Variants in RAD51B observed in about 807,000 individuals in gnomAD.
RAD51B encodes the protein DNA repair protein RAD51 homolog 2.
In RAD51B, 38 loss-of-function variants were observed where a neutral mutation model predicts 42.2. The observed-to-expected ratio is 0.90, with a 90% CI of 0.70 to 1.18. The LOEUF (loss-of-function observed/expected upper bound fraction) is 1.18. Ranked by LOEUF, RAD51B falls within the 50% of genes most tolerant of loss-of-function variation. The pLI is 0.00. For missense variants in RAD51B, 373 were observed against 400.7 expected (o/e 0.93, Z 0.59); for synonymous variants, 154 against 145.2 (o/e 1.06, Z -0.43).
At chr14:68,196,855 T>C (rs1485864110) in intron 7 of RAD51B, among the ~76,000 whole-genome samples, 1 of 152,224 alleles carries the variant, frequency 6.6e-6, no homozygotes, top group African/African-American at 2.4e-5. Context: ...GAATAAAACA[T>C]AGACTTTATT....
chr14:68,180,100 T>G (rs1309997392), intron 7 of RAD51B, among the ~76,000 whole-genome samples: 1 of 152,164 alleles, frequency 6.6e-6, no homozygotes, highest in African/African-American at 2.4e-5. Context: ...ATAACATGTA[T>G]AGGCTACAGC....
At chr14:68,214,438 A>G (rs1212161756) in intron 7 of RAD51B, among the ~76,000 whole-genome samples, 1 of 152,186 alleles carries the variant, frequency 6.6e-6, no homozygotes, top group East Asian at 1.9e-4. Context: ...GAATGATGTG[A>G]AAAAGAATCT....
chr14:68,115,382 C>T (rs12878355), intron 7 of RAD51B, among the ~76,000 whole-genome samples: 1 of 110,296 alleles, frequency 9.1e-6, no homozygotes, highest in Non-Finnish European at 1.7e-5. Flanking sequence ...ACATCACACT[C>T]TGGGGACTGT....
At chr14:68,563,585 C>A (rs1364974480) in intron 10 of RAD51B, 1 of 985,306 alleles carries the variant, frequency 1.0e-6, no homozygotes, top group African/African-American at 1.7e-5. Flanking sequence ...CCTTCAAGCA[C>A]CTTCTGTGGT....
chr14:67,909,114 C>A (rs1053102476), intron 7 of RAD51B, among the ~76,000 whole-genome samples: 1 of 151,914 alleles, frequency 6.6e-6, no homozygotes, highest in South Asian at 2.1e-4. Context: ...TAGACATAAC[C>A]CCCTAAACAA....
intron 7 of RAD51B, among the ~76,000 whole-genome samples, chr14:67,943,360 G>A (rs1036790331): frequency 6.6e-6 from 1 of 152,082 alleles, no homozygotes; most frequent in Non-Finnish European, 1.5e-5. Context: ...TATACACTTA[G>A]GGAGGAAGAA....
intron 7 of RAD51B, among the ~76,000 whole-genome samples, chr14:67,978,411 G>T (rs1176632974): frequency 6.8e-6 from 1 of 146,206 alleles, no homozygotes; most frequent in East Asian, 1.9e-4. Context: ...CAGCCTCTGC[G>T]TTTTTTCCTC....
intron 10 of RAD51B, among the ~76,000 whole-genome samples, chr14:68,524,370 G>T (rs1886788974): frequency 1.3e-5 from 2 of 152,216 alleles, no homozygotes; most frequent in African/African-American, 4.8e-5. Context: ...GAGTATGAAA[G>T]ATAAATCTAT....
intron 11 of RAD51B, among the ~76,000 whole-genome samples, chr14:68,682,702 C>G (rs1188110321): frequency 6.6e-6 from 1 of 152,056 alleles, no homozygotes; most frequent in Non-Finnish European, 1.5e-5. Flanking sequence ...CTCCCCGCCC[C>G]CCACGATCAG....
intron 8 of RAD51B, among the ~76,000 whole-genome samples, chr14:68,362,058 A>G (rs1164147541): frequency 6.6e-6 from 1 of 152,212 alleles, no homozygotes; most frequent in East Asian, 1.9e-4. Flanking sequence ...GTGGCTGAAT[A>G]TCGGCCACAG....
At chr14:68,667,018 G>T (rs1893045188) in intron 11 of RAD51B, among the ~76,000 whole-genome samples, 1 of 152,216 alleles carries the variant, frequency 6.6e-6, no homozygotes, top group Non-Finnish European at 1.5e-5. Context: ...CGTGTTTCAG[G>T]TGACATAACC....
chr14:68,075,198 G>A (rs773280957), intron 7 of RAD51B, among the ~76,000 whole-genome samples: 2 of 152,144 alleles, frequency 1.3e-5, no homozygotes, highest in African/African-American at 2.4e-5. Context: ...AGGCTTGCCT[G>A]GTGACAAACA....
chr14:68,250,641 G>T (rs545886030), intron 7 of RAD51B, among the ~76,000 whole-genome samples: 2 of 152,268 alleles, frequency 1.3e-5, no homozygotes, highest in South Asian at 4.2e-4. Flanking sequence ...AATCCCCTGG[G>T]AACAGGCCTA....
chr14:67,902,916 C>T (rs905768045), intron 7 of RAD51B, among the ~76,000 whole-genome samples: 1 of 150,920 alleles, frequency 6.6e-6, no homozygotes, highest in African/African-American at 2.4e-5. Flanking sequence ...GTGGTGTGAT[C>T]TCGGCTCACT....
In RAD51B at chr14:68,648,023, G is replaced by GTATATATATATATA. The variant is rs1398832977; in HGVS notation, c.1037-2757_1037-2744dup. 2.4e-4 allele frequency among the ~76,000 whole-genome samples: 7 copies of GTATATATATATATA among 28,630 alleles called. No individual in the cohort carries two copies. In the South Asian group the frequency reaches 3.8e-3, roughly 16 times the overall value. The allele number at this position is 28,630 out of a possible 152,430, so 18.8% of individuals were successfully genotyped here. ...ATTGAGCATATATATATATATATAC[G>GTATATATATATATA]TATATATATATATACACACGTATAT... On this transcript the variant is annotated intron_variant, in intron 10 of 11. Transcript: ENST00000488612.
intron 7 of RAD51B, among the ~76,000 whole-genome samples, chr14:68,130,665 T>C (rs1280335001): frequency 1.3e-5 from 2 of 152,238 alleles, no homozygotes; most frequent in Non-Finnish European, 2.9e-5. Flanking sequence ...TACTGAAGCC[T>C]TGAGATCTCT....
chr14:68,445,883 TGTG>T (rs772925400), intron 9 of RAD51B, among the ~76,000 whole-genome samples: 3 of 152,168 alleles, frequency 2.0e-5, no homozygotes, highest in African/African-American at 7.2e-5. Context: ...TGGAAACAAA[TGTG>T]GTGTTGGACT....
intron 7 of RAD51B, among the ~76,000 whole-genome samples, chr14:68,080,246 G>A (rs2076893219): frequency 6.6e-6 from 1 of 152,194 alleles, no homozygotes; most frequent in Non-Finnish European, 1.5e-5. Flanking sequence ...GGATGAATGG[G>A]CTAGTGTTTC....
intron 10 of RAD51B, among the ~76,000 whole-genome samples, chr14:68,603,997 T>C (rs992685206): frequency 1.3e-5 from 2 of 152,210 alleles, no homozygotes; most frequent in Admixed American, 6.5e-5. Context: ...AAAACCACAG[T>C]GGAGGCCACA....
Sources: gnomAD v4.1 joint callset for allele counts (sites outside exome capture counted in the v4.1 genomes callset) on GRCh38, gnomAD v4.1.1 for gene constraint, MANE v1.5 for transcripts, NCBI Gene and HGNC (gene_info 2026-07-23, HGNC 2026-07-21) for gene names.